TMEM43: variants seen among roughly 807,000 people sequenced by gnomAD.
TMEM43 encodes the protein arrhythmogenic right ventricular dysplasia 5.
In TMEM43, 45 loss-of-function variants were observed where a neutral mutation model predicts 49.6. The ratio of observed to expected loss-of-function variants is 0.91; its 90% CI spans 0.71 to 1.16. The LOEUF (loss-of-function observed/expected upper bound fraction) is 1.16, where lower values mean the gene tolerates loss of function less well. Among genes scored for constraint, TMEM43 ranks in the 50% most tolerant of loss-of-function variants. TMEM43 has a pLI of 0.00. For synonymous variants in TMEM43, 199 were observed against 207.8 expected (o/e 0.96, Z 0.36); for missense variants, 532 against 516.6 (o/e 1.03, Z -0.29).
chr3:14,128,539 C>A (rs1460626765), intron 1 of TMEM43, among the ~76,000 whole-genome samples: 1 of 152,186 alleles, frequency 6.6e-6, no homozygotes, highest in Non-Finnish European at 1.5e-5. Flanking sequence ...AAGTCCACCC[C>A]CATCACAGGA....
intron 8 of TMEM43, 109 bp from the exon 9 acceptor site, chr3:14,135,049 G>T: frequency 6.8e-7 from 1 of 1,480,220 alleles, no homozygotes; most frequent in Non-Finnish European, 9.3e-7. Context: ...GCCTGGGCAC[G>T]GGTGTGGAGG....
chr3:14,134,664 C>A, intron 7 of TMEM43, 106 bp from the exon 8 acceptor site: 1 of 1,480,922 alleles, frequency 6.8e-7, no homozygotes, highest in Non-Finnish European at 9.4e-7. Context: ...GGGAGTGCCA[C>A]GTGTGCAGGC....
chr3:14,140,039 C>G (rs978242389), intron 11 of TMEM43, among the ~76,000 whole-genome samples: 3 of 152,190 alleles, frequency 2.0e-5, no homozygotes, highest in African/African-American at 7.2e-5. Flanking sequence ...CTCTGGGTGC[C>G]AACAGAAACC....
intron 10 of TMEM43, among the ~76,000 whole-genome samples, chr3:14,138,948 G>A (rs941934209): frequency 1.3e-5 from 2 of 152,208 alleles, no homozygotes; most frequent in African/African-American, 4.8e-5. Context: ...GTGCTGGCAG[G>A]CTCTGAGCTG....
Position 14,135,804 on chromosome 3 carries a change from C to G in TMEM43, c.781-3C>G, listed in dbSNP as rs780142044. On this transcript the variant is annotated splice_region_variant and splice_polypyrimidine_tract_variant and intron_variant, in intron 9 of 11. Coordinates refer to ENST00000306077, the MANE Select transcript of TMEM43 (RefSeq NM_024334.3). ...CAGCTCTAACACCAGGTCCTCTGACCAGGTCACTGTGATTGCCCGGCAGCG... is the reference window on the plus strand; with the variant it reads ...CAGCTCTAACACCAGGTCCTCTGACGAGGTCACTGTGATTGCCCGGCAGCG... 6.2e-7 allele frequency: 1 copy of G among 1,612,722 alleles called. No homozygotes were observed. The highest frequency in any genetic ancestry group is 2.2e-5 in the East Asian group (1 of 44,882).
chr3:14,136,077 T>G, intron 10 of TMEM43, 169 bp downstream of exon 10: 1 of 728,576 alleles, frequency 1.4e-6, no homozygotes, highest in East Asian at 2.7e-5. Flanking sequence ...ACCAGGAGTG[T>G]TTCAGATTCC....
At chr3:14,134,732 C>G (rs1308976987) in intron 7 of TMEM43, 38 bp from the exon 8 acceptor site, 1 of 1,613,616 alleles carries the variant, frequency 6.2e-7, no homozygotes, top group Non-Finnish European at 8.5e-7. Flanking sequence ...AGGTTTTCAC[C>G]TGGTCCCCTG....
intron 6 of TMEM43, 82 bp from the exon 7 acceptor site, chr3:14,133,657 C>G: frequency 7.4e-7 from 1 of 1,348,754 alleles, no homozygotes; most frequent in Non-Finnish European, 1.1e-6. Context: ...GGGTGGGGAC[C>G]CTGCCCAGCA....
chr3:14,129,842 C>T (rs1302830034), intron 2 of TMEM43, among the ~76,000 whole-genome samples: 1 of 152,124 alleles, frequency 6.6e-6, no homozygotes, highest in Non-Finnish European at 1.5e-5. Context: ...CCAGGAATCT[C>T]CATTTCTTCA....
At chr3:14,140,355 C>A (rs1695231078) in intron 11 of TMEM43, among the ~76,000 whole-genome samples, 1 of 152,102 alleles carries the variant, frequency 6.6e-6, no homozygotes, top group Non-Finnish European at 1.5e-5. Flanking sequence ...TTCTTTGGAT[C>A]TCTGATGTCT....
At chr3:14,139,043 C>T (rs1574941021) in intron 10 of TMEM43, 137 bp from the exon 11 acceptor site, 10 of 718,974 alleles carry the variant, frequency 1.4e-5, no homozygotes, top group Non-Finnish European at 2.5e-5. Flanking sequence ...CTATAGGAGG[C>T]TTGCCCCCAC....
intron 1 of TMEM43, 102 bp from the exon 2 acceptor site, chr3:14,129,307 TAAA>T (rs10648308): frequency 0.067 from 24,933 of 371,644 alleles, 21 homozygotes; most frequent in South Asian, 0.074. Context: ...CAGTTAAAAC[TAAA>T]AAAAAAAAAA....
At position 14,134,847 on chromosome 3, in the gene TMEM43, C is replaced by T. The variant is rs182464375; in HGVS notation, c.661C>T (p.Arg221Cys). 2.1e-5 allele frequency: 34 copies of T among 1,614,170 alleles called. No individual in the cohort carries two copies. The highest frequency in any genetic ancestry group is 1.8e-4 in the Admixed American group (11 of 60,026). Residue 221 changes from arginine to cysteine, a missense_variant, in exon 8 of 12, where the codon CGT becomes TGT. Arg to Cys is a radical substitution (Grantham distance 180). Coordinates refer to ENST00000306077, the MANE Select transcript of TMEM43 (RefSeq NM_024334.3). ...LEDPHVDIIR[R>C]GDFFYHSENP... ...GGACCCTCATGTGGACATCATTCGC[C>T]GTGGAGACTTTTTCTACCACAGCGA... is the stretch of plus-strand genomic sequence containing the variant.
In TMEM43 at chr3:14,129,479, A is replaced by G. The variant is rs760725387; in HGVS notation, c.80A>G (p.Glu27Gly). ...ACCAGCTCCCAGCCAGGCTTCCTGG[A>G]ACGGCTGAGCGAGACCTCGGGTGGG... Reference protein sequence around the residue: ...VKTSSQPGFLERLSETSGGMF... With the variant: ...VKTSSQPGFLGRLSETSGGMF... The change falls in exon 2 of 12, where the codon GAA becomes GGA. Residue 27 changes from glutamate (E) to glycine (G), a missense_variant. Glu to Gly is a moderately conservative substitution (Grantham distance 98). Coordinates refer to ENST00000306077, the MANE Select transcript of TMEM43 (RefSeq NM_024334.3). The G allele has an allele frequency of 6.2e-7, 1 of 1,614,102 alleles. No homozygotes were observed. The highest frequency in any genetic ancestry group is 1.1e-5 in the South Asian group (1 of 91,082).
Position 14,130,843 on chromosome 3 carries a change from A to G in TMEM43, c.184A>G (p.Thr62Ala), listed in dbSNP as rs1320848788. 6 of 1,613,730 alleles carry G rather than the reference A, an allele frequency of 3.7e-6. No individual in the cohort carries two copies. The South Asian group carries it at 5.5e-5, about 15-fold the overall frequency. The change falls in exon 3 of 12, where the codon ACC (threonine) becomes GCC (alanine). Residue 62 changes from threonine (T) to alanine (A), a missense_variant. Physicochemically the swap from Thr to Ala is moderately conservative, Grantham distance 58 (BLOSUM62 0). Transcript: ENST00000306077. ...CCAGGGCCGCGCATTGAAGACGGCAACCTCATTGGCTGAGGGGCTCTCGCT... is the reference window on the plus strand; with the variant it reads ...CCAGGGCCGCGCATTGAAGACGGCAGCCTCATTGGCTGAGGGGCTCTCGCT... The part of the protein sequence containing the change: ...TNEGRALKTA[T>A]SLAEGLSLVV...
chr3:14,140,042 C>T (rs1695227391), intron 11 of TMEM43, among the ~76,000 whole-genome samples: 1 of 152,224 alleles, frequency 6.6e-6, no homozygotes, highest in South Asian at 2.1e-4. Context: ...TGGGTGCCAA[C>T]AGAAACCTCT....
At chr3:14,133,240 A>G (rs1695121133) in intron 6 of TMEM43, among the ~76,000 whole-genome samples, 1 of 152,208 alleles carries the variant, frequency 6.6e-6, no homozygotes, top group South Asian at 2.1e-4. Context: ...TGGGAGGACA[A>G]TCAGGACAGG....
intron 10 of TMEM43, 123 bp from the exon 11 acceptor site, chr3:14,139,057 G>A (rs142760560): frequency 4.5e-5 from 35 of 775,982 alleles, no homozygotes; most frequent in Middle Eastern, 6.5e-4. Flanking sequence ...CCCCCACTCC[G>A]TCTGGCCTGT....
At chr3:14,139,111 G>A (rs1695214914) in intron 10 of TMEM43, 69 bp from the exon 11 acceptor site, 6 of 1,166,010 alleles carry the variant, frequency 5.1e-6, no homozygotes, top group Non-Finnish European at 7.8e-6. Context: ...GCCCCCTCAG[G>A]ACCTGCCCTG....
Sources: gnomAD v4.1 joint callset for allele counts (sites outside exome capture counted in the v4.1 genomes callset) on GRCh38, gnomAD v4.1.1 for gene constraint, MANE v1.5 for transcripts, NCBI Gene and HGNC (gene_info 2026-07-23, HGNC 2026-07-21) for gene names.